The following NRXN3 variants were observed in gnomAD, a reference collection of about 807,000 sequenced individuals.
NRXN3 encodes the protein neurexin 3, also known as neurexin III.
In NRXN3, 32 loss-of-function variants were observed where a neutral mutation model predicts 137.6. The observed-to-expected ratio is 0.23, with a 90% CI of 0.18 to 0.31. NRXN3 has a LOEUF of 0.31. Ranked by LOEUF, NRXN3 falls within the 10% of genes least tolerant of loss-of-function variation. The pLI is 1.00. For missense variants in NRXN3, 1,574 were observed against 2,062.5 expected (o/e 0.76, Z 4.59); for synonymous variants, 798 against 784.5 (o/e 1.02, Z -0.29).
intron 16 of NRXN3, among the ~76,000 whole-genome samples, chr14:79,471,237 C>T (rs1469258899): frequency 6.6e-6 from 1 of 152,104 alleles, no homozygotes; most frequent in East Asian, 1.9e-4. Flanking sequence ...GGCAAATAGG[C>T]TTCATCTTGC....
intron 15 of NRXN3, among the ~76,000 whole-genome samples, chr14:79,085,637 T>A (rs990024894): frequency 3.3e-5 from 5 of 151,928 alleles, no homozygotes; most frequent in Admixed American, 1.3e-4. Flanking sequence ...TATGGAATGA[T>A]TTTTTTTAGA....
intron 10 of NRXN3, among the ~76,000 whole-genome samples, chr14:78,811,991 GT>G (rs543870564): frequency 6.6e-6 from 1 of 151,618 alleles, no homozygotes; most frequent in African/African-American, 2.4e-5. Context: ...TTCTGTTCCT[GT>G]TTTTTTGGTT....
At chr14:79,713,968 G>T (rs1221858463) in intron 19 of NRXN3, among the ~76,000 whole-genome samples, 1 of 151,914 alleles carries the variant, frequency 6.6e-6, no homozygotes, top group African/African-American at 2.4e-5. Flanking sequence ...ATGTCACTGG[G>T]TTCCATCCTA....
intron 4 of NRXN3, among the ~76,000 whole-genome samples, chr14:78,616,755 ATAAT>A (rs1361172387): frequency 7.2e-5 from 11 of 152,246 alleles, no homozygotes; most frequent in African/African-American, 2.7e-4. Context: ...TGCTTCTGAA[ATAAT>A]TCCTAATTAC....
chr14:79,800,982 A>G (rs79630736), intron 19 of NRXN3, among the ~76,000 whole-genome samples: 7,765 of 152,210 alleles, frequency 0.051, 631 homozygotes, highest in African/African-American at 0.18. Flanking sequence ...CTTTTTGCAA[A>G]TTAAGGCCTC....
intron 15 of NRXN3, among the ~76,000 whole-genome samples, chr14:78,997,465 G>A (rs1411820167): frequency 6.6e-6 from 1 of 152,134 alleles, no homozygotes; most frequent in African/African-American, 2.4e-5. Flanking sequence ...TACCATGTTA[G>A]TCACATACAG....
chr14:78,828,745 A>G (rs952143439), intron 10 of NRXN3, among the ~76,000 whole-genome samples: 2 of 152,206 alleles, frequency 1.3e-5, no homozygotes, highest in Admixed American at 1.3e-4. Flanking sequence ...AGCATTTTTT[A>G]GTTCTAGATG....
chr14:79,647,425 T>C (rs1247998638), intron 16 of NRXN3, among the ~76,000 whole-genome samples: 1 of 136,026 alleles, frequency 7.4e-6, no homozygotes, highest in Non-Finnish European at 1.7e-5. Flanking sequence ...AACTTTCAAA[T>C]AATGCATTTT....
intron 10 of NRXN3, among the ~76,000 whole-genome samples, chr14:78,885,885 A>T (rs536385647): frequency 6.6e-6 from 1 of 152,184 alleles, no homozygotes; most frequent in South Asian, 2.1e-4. Flanking sequence ...GCTCACTCAC[A>T]TAAAGCCCAA....
At chr14:79,286,164 T>G (rs2082218648) in intron 15 of NRXN3, among the ~76,000 whole-genome samples, 1 of 152,146 alleles carries the variant, frequency 6.6e-6, no homozygotes, top group African/African-American at 2.4e-5. Context: ...AGACACATGC[T>G]CTAATGTCCA....
intron 19 of NRXN3, among the ~76,000 whole-genome samples, chr14:79,775,359 A>T (rs2099093396): frequency 6.6e-6 from 1 of 152,120 alleles, no homozygotes; most frequent in South Asian, 2.1e-4. Context: ...CATATACACC[A>T]AACCCAGAAT....
intron 10 of NRXN3, among the ~76,000 whole-genome samples, chr14:78,921,590 A>G (rs1305094183): frequency 6.6e-6 from 1 of 152,192 alleles, no homozygotes; most frequent in Non-Finnish European, 1.5e-5. Flanking sequence ...AGATTGGCAC[A>G]TTATTCTTAT....
chr14:78,752,130 C>T (rs968711708), intron 8 of NRXN3, among the ~76,000 whole-genome samples: 1 of 152,198 alleles, frequency 6.6e-6, no homozygotes, highest in South Asian at 2.1e-4. Context: ...TGGGGCCAGG[C>T]GCGGTGGCTC....
chr14:78,452,694 T>A (rs1175855695), intron 4 of NRXN3, among the ~76,000 whole-genome samples: 1 of 152,200 alleles, frequency 6.6e-6, no homozygotes, highest in Non-Finnish European at 1.5e-5. Flanking sequence ...AAAAAGAAGT[T>A]TTTTCATAAA....
At chr14:79,075,205 T>C (rs1348174882) in intron 15 of NRXN3, among the ~76,000 whole-genome samples, 2 of 152,190 alleles carry the variant, frequency 1.3e-5, no homozygotes, top group African/African-American at 4.8e-5. Context: ...CCCATTTCAT[T>C]TGACCACTAG....
chr14:78,570,471 G>A (rs188931542), intron 4 of NRXN3, among the ~76,000 whole-genome samples: 1 of 152,314 alleles, frequency 6.6e-6, no homozygotes, highest in East Asian at 1.9e-4. Context: ...GAGCTGTCAT[G>A]CTTTTCAGGT....
chr14:79,442,536 T>C (rs567690991), intron 15 of NRXN3, among the ~76,000 whole-genome samples: 1 of 152,196 alleles, frequency 6.6e-6, no homozygotes, highest in South Asian at 2.1e-4. Context: ...TCAGAGAAAA[T>C]AAGGTTTCTG....
intron 4 of NRXN3, among the ~76,000 whole-genome samples, chr14:78,480,190 G>A (rs370775313): frequency 9.9e-5 from 15 of 152,158 alleles, no homozygotes; most frequent in East Asian, 5.8e-4. Flanking sequence ...AATAAGCTTC[G>A]TCATGGGGCT....
chr14:78,788,848 G>A (rs2098797062), intron 8 of NRXN3, among the ~76,000 whole-genome samples: 1 of 151,982 alleles, frequency 6.6e-6, no homozygotes, highest in African/African-American at 2.4e-5. Flanking sequence ...GTCCCAACAA[G>A]GTTTTACCAT....
Sources: allele counts gnomAD v4.1 joint callset (sites outside exome capture counted in the v4.1 genomes callset), GRCh38; gene constraint gnomAD v4.1.1; transcripts MANE v1.5; gene names NCBI Gene and HGNC (gene_info 2026-07-23, HGNC 2026-07-21).